Variants in REV3L observed in about 807,000 individuals in gnomAD.
The protein encoded by REV3L is DNA polymerase zeta catalytic subunit.
REV3L carries 69 observed loss-of-function variants against 299.4 expected under a neutral mutation model. The observed-to-expected ratio is 0.23, with a 90% CI of 0.19 to 0.28. The LOEUF is 0.28. Ranked by LOEUF, REV3L falls within the 10% of genes least tolerant of loss-of-function variation. The pLI is 1.00. For synonymous variants in REV3L, 1,238 were observed against 1,271.4 expected, an observed-to-expected ratio of 0.97 and a Z score of 0.56; for missense variants, 3,128 against 3,693.8, an observed-to-expected ratio of 0.85 and a Z score of 3.97.
chr6:111,370,391 T>C (rs1779683524), intron 13 of REV3L, among the ~76,000 whole-genome samples: 1 of 152,136 alleles, frequency 6.6e-6, no homozygotes, highest in Non-Finnish European at 1.5e-5. Context: ...AACAAAACTG[T>C]GTGTTGAAAA....
At chr6:111,463,214 G>A (rs1791004522) in intron 1 of REV3L, among the ~76,000 whole-genome samples, 1 of 152,158 alleles carries the variant, frequency 6.6e-6, no homozygotes, top group Non-Finnish European at 1.5e-5. Context: ...TGGTCCTTAT[G>A]CAATTCAGTA....
chr6:111,392,248 T>G (rs1582819144), intron 5 of REV3L, among the ~76,000 whole-genome samples: 2 of 152,166 alleles, frequency 1.3e-5, no homozygotes, highest in East Asian at 1.9e-4. Flanking sequence ...CTTCAGACAT[T>G]CAGAACAGGA....
Position 111,372,132 on chromosome 6 carries a change from A to G in REV3L, c.5759+464T>C, listed in dbSNP as rs181461235. On this transcript the variant is annotated intron_variant, in intron 13 of 31. Transcript: ENST00000368802. ...GTGGTTTATAATAGAAACAACTTAC[A>G]ATAATCTTCACTTAGAGATATATCA... 2.0e-5 allele frequency among the ~76,000 whole-genome samples: 3 copies of G among 152,370 alleles called. No homozygotes were observed. In the East Asian group the frequency reaches 5.8e-4, roughly 29 times the overall value.
chr6:111,333,611 A>C (rs1006880668), intron 22 of REV3L, among the ~76,000 whole-genome samples: 1 of 151,790 alleles, frequency 6.6e-6, no homozygotes, highest in African/African-American at 2.4e-5. Flanking sequence ...AGTAGCTGGG[A>C]TTACAGGCAT....
At chr6:111,338,311 C>CTTTTTTTT (rs1776115188) in intron 21 of REV3L, among the ~76,000 whole-genome samples, 8 of 49,034 alleles carry the variant, frequency 1.6e-4, no homozygotes, top group Non-Finnish European at 2.1e-4. Context: ...AGTCTAAAGT[C>CTTTTTTTT]CTTTTTTTTT....
At chr6:111,393,021 T>C (rs760350757) in intron 4 of REV3L, 49 bp from the exon 5 acceptor site, 16 of 1,341,732 alleles carry the variant, frequency 1.2e-5, no homozygotes, top group Non-Finnish European at 1.7e-5. Context: ...AATTTTCATA[T>C]AATTACTTTT....
intron 1 of REV3L, among the ~76,000 whole-genome samples, chr6:111,423,991 T>G (rs780334761): frequency 6.6e-6 from 1 of 152,214 alleles, no homozygotes; most frequent in Non-Finnish European, 1.5e-5. Context: ...AAGAAAGAGA[T>G]CTGAGCTAGA....
At chr6:111,386,970 C>T (rs543721662) in intron 9 of REV3L, among the ~76,000 whole-genome samples, 4 of 152,264 alleles carry the variant, frequency 2.6e-5, no homozygotes, top group African/African-American at 9.6e-5. Flanking sequence ...GATCCGCCTG[C>T]TTCAGCCTCT....
intron 13 of REV3L, among the ~76,000 whole-genome samples, chr6:111,372,017 G>A (rs547380112): frequency 6.6e-6 from 1 of 152,268 alleles, no homozygotes; most frequent in African/African-American, 2.4e-5. Flanking sequence ...TAAAAGAAAG[G>A]AGAATGGAAA....
chr6:111,388,322 T>C (rs554634445), intron 7 of REV3L, among the ~76,000 whole-genome samples: 68 of 152,280 alleles, frequency 4.5e-4, no homozygotes, highest in South Asian at 2.1e-4. Flanking sequence ...ATAATCTAAA[T>C]CTAAAACAGA....
At chr6:111,393,442 A>G (rs1482544045) in intron 4 of REV3L, among the ~76,000 whole-genome samples, 1 of 152,226 alleles carries the variant, frequency 6.6e-6, no homozygotes, top group Non-Finnish European at 1.5e-5. Context: ...ATCTGTAATG[A>G]CAAAATCAAG....
At chr6:111,438,033 T>A (rs930532867) in intron 1 of REV3L, among the ~76,000 whole-genome samples, 14 of 151,586 alleles carry the variant, frequency 9.2e-5, no homozygotes, top group South Asian at 2.1e-4. Flanking sequence ...TTTTTATTTT[T>A]ATTTTTTATA....
chr6:111,315,077 T>C (rs1458970010), intron 27 of REV3L, among the ~76,000 whole-genome samples, 190 bp downstream of exon 27: 1 of 152,090 alleles, frequency 6.6e-6, no homozygotes, highest in Non-Finnish European at 1.5e-5. Context: ...CTCAAACTCC[T>C]GGTCTCAAGC....
At chr6:111,316,368 AAAAG>A (rs1455027468) in intron 26 of REV3L, among the ~76,000 whole-genome samples, 3 of 152,074 alleles carry the variant, frequency 2.0e-5, no homozygotes, top group Non-Finnish European at 4.4e-5. Context: ...CTCAACTTAA[AAAAG>A]AAAGACATTG....
At chr6:111,353,748 G>A (rs1421519432) in intron 18 of REV3L, 1 of 152,182 alleles carries the variant, frequency 6.6e-6, no homozygotes, top group African/African-American at 2.4e-5. Context: ...CTCAAGGAAA[G>A]AGAAATATCC....
intron 1 of REV3L, among the ~76,000 whole-genome samples, chr6:111,462,424 T>C (rs566041970): frequency 6.6e-6 from 1 of 152,168 alleles, no homozygotes; most frequent in African/African-American, 2.4e-5. Context: ...CTTAAATATG[T>C]ATGGATCTAA....
At chr6:111,321,363 G>A (rs1774173730) in intron 26 of REV3L, among the ~76,000 whole-genome samples, 1 of 152,178 alleles carries the variant, frequency 6.6e-6, no homozygotes, top group African/African-American at 2.4e-5. Context: ...CAACAACATG[G>A]ATAGCCCCTG....
At chr6:111,361,786 T>A in intron 16 of REV3L, among the ~76,000 whole-genome samples, 1 of 152,156 alleles carries the variant, frequency 6.6e-6, no homozygotes, top group South Asian at 2.1e-4. Flanking sequence ...GCCACAAGCA[T>A]AATTTCCTAG....
intron 31 of REV3L, among the ~76,000 whole-genome samples, chr6:111,306,234 G>A (rs1355463419): frequency 6.6e-6 from 1 of 152,168 alleles, no homozygotes; most frequent in Non-Finnish European, 1.5e-5. Context: ...TGATTCCTCA[G>A]AAGATGGGGG....
Sources: gnomAD v4.1 joint callset for allele counts (sites outside exome capture counted in the v4.1 genomes callset) on GRCh38, gnomAD v4.1.1 for gene constraint, MANE v1.5 for transcripts, NCBI Gene and HGNC (gene_info 2026-07-23, HGNC 2026-07-21) for gene names.